NKAIN3: variants seen among roughly 807,000 people sequenced by gnomAD.
NKAIN3 encodes sodium/potassium transporting ATPase interacting 3.
A neutral mutation model predicts 30.2 loss-of-function variants in NKAIN3; 25 were observed. The observed-to-expected ratio is 0.83, with a 90% CI of 0.60 to 1.16. The LOEUF is 1.16. Among genes scored for constraint, NKAIN3 ranks in the 50% most tolerant of loss-of-function variants. The pLI is 0.00. For missense variants in NKAIN3, 225 were observed against 254.1 expected (o/e 0.89, Z 0.78); for synonymous variants, 91 against 89.6 (o/e 1.02, Z -0.09).
At chr8:62,595,158 A>C (rs560213605) in intron 3 of NKAIN3, among the ~76,000 whole-genome samples, 1 of 151,972 alleles carries the variant, frequency 6.6e-6, no homozygotes. Flanking sequence ...TTATGTTGTT[A>C]CTAAAGTCAT....
At chr8:62,288,411 GCCCTGGTGTGTGATGTT>G (rs1813453291) in intron 1 of NKAIN3, among the ~76,000 whole-genome samples, 2 of 151,966 alleles carry the variant, frequency 1.3e-5, no homozygotes, top group African/African-American at 2.4e-5. Context: ...CTGACGACAG[GCCCTGGTGTGTGATGTT>G]CCCCACCCTG....
At chr8:62,550,820 T>C (rs183570354) in intron 1 of NKAIN3, among the ~76,000 whole-genome samples, 58 of 152,306 alleles carry the variant, frequency 3.8e-4, no homozygotes, top group African/African-American at 1.2e-3. Flanking sequence ...AGTTCAGATA[T>C]GTTTTTGTCT....
At position 62,315,600 on chromosome 8, in the gene NKAIN3, G is replaced by A. The variant is rs189561526; in HGVS notation, c.54+66473G>A. On this transcript the variant is annotated intron_variant, in intron 1 of 6. Transcript: ENST00000623646. ...TTAGCTTTGGCAAAGCAGAAATCAGGGATGTGGCCATCTTGATCTAGTGCA... is the reference window on the plus strand; with the variant it reads ...TTAGCTTTGGCAAAGCAGAAATCAGAGATGTGGCCATCTTGATCTAGTGCA... Among the ~76,000 whole-genome samples the A allele has an allele frequency of 4.7e-3, 712 of 152,250 alleles. 8 individuals carry two copies. The highest frequency in any genetic ancestry group is 0.017 in the African/African-American group (689 of 41,560).
chr8:62,447,940 G>A (rs561459084), intron 1 of NKAIN3, among the ~76,000 whole-genome samples: 1 of 152,084 alleles, frequency 6.6e-6, no homozygotes, highest in South Asian at 2.1e-4. Flanking sequence ...CTTTATCTGA[G>A]TACTTGATTA....
rs568459086 is a variant in NKAIN3, at chr8:62,661,470, A to G, written c.273+71676A>G. On this transcript the variant is annotated intron_variant, in intron 3 of 6. Coordinates refer to ENST00000623646, the MANE Select transcript of NKAIN3 (RefSeq NM_001304533.3). ...GTTTGAATCTTTCTCATGAGCCTCT[A>G]CTTCCCTGGGCTGGGGCCAAGAAGG... Among the ~76,000 whole-genome samples, 56 of 152,270 alleles carry G rather than the reference A, an allele frequency of 3.7e-4. 1 individual carries two copies. The highest frequency in any genetic ancestry group is 3.1e-3 in the South Asian group (15 of 4,824).
Position 62,967,316 on chromosome 8 carries a change from G to A in NKAIN3, c.*1909G>A, listed in dbSNP as rs763893819. ...ACCACCATGTTCTTGGACAGTGTTT[G>A]CCATCTCTGCACTACAGTTTTCCTC... On this transcript the variant is annotated 3_prime_UTR_variant, in exon 7 of 7. Coordinates refer to ENST00000623646, the MANE Select transcript of NKAIN3 (RefSeq NM_001304533.3). Among the ~76,000 whole-genome samples the A allele has an allele frequency of 2.0e-5, 3 of 152,176 alleles. No homozygotes were observed. The highest frequency in any genetic ancestry group is 4.4e-5 in the Non-Finnish European group (3 of 68,030).
intron 4 of NKAIN3, among the ~76,000 whole-genome samples, chr8:62,768,065 G>C (rs1410771628): frequency 6.6e-6 from 1 of 152,142 alleles, no homozygotes; most frequent in Non-Finnish European, 1.5e-5. Context: ...CTGACAAAGG[G>C]TGATGCAGCC....
At chr8:62,581,182 C>G (rs1007210826) in intron 2 of NKAIN3, among the ~76,000 whole-genome samples, 34 of 125,012 alleles carry the variant, frequency 2.7e-4, no homozygotes, top group African/African-American at 1.0e-3. Flanking sequence ...ATACAGTAGC[C>G]TCTGCTAAGT....
chr8:62,620,322 C>G (rs932105499), intron 3 of NKAIN3, among the ~76,000 whole-genome samples: 2 of 152,052 alleles, frequency 1.3e-5, no homozygotes, highest in African/African-American at 4.8e-5. Flanking sequence ...AAAGCCCTTC[C>G]TAGGTTTTAT....
intron 1 of NKAIN3, among the ~76,000 whole-genome samples, chr8:62,328,524 T>TAAAA (rs1465730607): frequency 6.6e-6 from 1 of 152,118 alleles, no homozygotes; most frequent in African/African-American, 2.4e-5. Flanking sequence ...CATAGAGATT[T>TAAAA]CCTGTTTTCT....
chr8:62,619,239 A>G (rs2130221034), intron 3 of NKAIN3, among the ~76,000 whole-genome samples: 2 of 152,316 alleles, frequency 1.3e-5, no homozygotes, highest in Middle Eastern at 3.4e-3. Context: ...TACCTTAAGA[A>G]GGGGCTGGCC....
At chr8:62,337,770 C>A (rs775030176) in intron 1 of NKAIN3, among the ~76,000 whole-genome samples, 22 of 151,882 alleles carry the variant, frequency 1.4e-4, no homozygotes, top group Non-Finnish European at 2.2e-4. Flanking sequence ...GGTTATATTC[C>A]TTTCTTTCTA....
chr8:62,590,273 G>A (rs906371079), intron 3 of NKAIN3, among the ~76,000 whole-genome samples: 1 of 151,922 alleles, frequency 6.6e-6, no homozygotes, highest in East Asian at 1.9e-4. Flanking sequence ...TATATTAAAT[G>A]TTTACTAAGA....
At chr8:62,835,176 G>T (rs1819321815) in intron 4 of NKAIN3, among the ~76,000 whole-genome samples, 1 of 149,460 alleles carries the variant, frequency 6.7e-6, no homozygotes. Context: ...TACTGAAAAT[G>T]GATTAAATAT....
intron 1 of NKAIN3, among the ~76,000 whole-genome samples, chr8:62,541,583 G>T (rs1480186): frequency 0.61 from 92,110 of 151,880 alleles, 28,278 homozygotes; most frequent in African/African-American, 0.7. Context: ...TTAAATTATT[G>T]TGTTTTCTGT....
chr8:62,547,828 T>C (rs1213612302), intron 1 of NKAIN3, among the ~76,000 whole-genome samples: 2 of 152,196 alleles, frequency 1.3e-5, no homozygotes, highest in African/African-American at 4.8e-5. Context: ...GATGAAGGCA[T>C]CCTCTAAGAC....
At chr8:62,281,679 G>A (rs1813200325) in intron 1 of NKAIN3, among the ~76,000 whole-genome samples, 1 of 152,168 alleles carries the variant, frequency 6.6e-6, no homozygotes, top group African/African-American at 2.4e-5. Flanking sequence ...ATGTAGTTGA[G>A]TGGTTTTGAG....
At chr8:62,855,655 G>A in intron 4 of NKAIN3, 1 of 1,604,368 alleles carries the variant, frequency 6.2e-7, no homozygotes, top group Non-Finnish European at 8.5e-7. Flanking sequence ...GGTTCCTGAA[G>A]TGCTGCTGCA....
chr8:62,859,320 C>T (rs978017763), intron 4 of NKAIN3, among the ~76,000 whole-genome samples: 5 of 151,920 alleles, frequency 3.3e-5, no homozygotes, highest in South Asian at 2.1e-4. Context: ...TATCCACTCA[C>T]CCCAGTTCAT....
Sources: allele counts gnomAD v4.1 joint callset (sites outside exome capture counted in the v4.1 genomes callset), GRCh38; gene constraint gnomAD v4.1.1; transcripts MANE v1.5; gene names NCBI Gene and HGNC (gene_info 2026-07-23, HGNC 2026-07-21).